The following HELZ2 variants were observed in gnomAD, a reference collection of about 807,000 sequenced individuals.
HELZ2 encodes the protein 3'-5' exoribonuclease HELZ2.
In HELZ2, 143 loss-of-function variants were observed where a neutral mutation model predicts 208.8. That is an observed-to-expected ratio of 0.68 (90% confidence interval 0.60 to 0.79). The LOEUF is 0.79. HELZ2 is among the 30% of genes least tolerant of loss of function. The pLI is 0.00. For missense variants in HELZ2, 3,690 were observed against 3,794.5 expected (o/e 0.97, Z 0.72); for synonymous variants, 1,705 against 1,693.7 (o/e 1.01, Z -0.16).
exon 11 of HELZ2, chr20:63,561,845 G>T (rs1439624296): frequency 1.9e-6 from 3 of 1,564,726 alleles, no homozygotes. Context: ...CCACCGACTT[G>T]TTGGAGGGGC....
At chr20:63,572,547 G>A (rs1359242004), upstream of HELZ2, 3 of 729,036 alleles carry the variant, frequency 4.1e-6, no homozygotes, top group African/African-American at 5.4e-5. Context: ...ACGTGGGCCA[G>A]GAGGGAGGGG....
At chr20:63,563,827 C>T (rs546147375) in exon 8 of HELZ2, 4 of 1,598,794 alleles carry the variant, frequency 2.5e-6, no homozygotes, top group East Asian at 4.5e-5. Flanking sequence ...TGTACCAGTC[C>T]ACCTGCAGCG....
intron 5 of HELZ2, chr20:63,567,948 A>T: frequency 1.8e-6 from 1 of 552,518 alleles, no homozygotes; most frequent in Non-Finnish European, 3.2e-6. Context: ...CCCACTCCCC[A>T]CTGGGCAGGG....
At chr20:63,561,566 C>G in intron 12 of HELZ2, 35 bp downstream of exon 13, 1 of 1,583,658 alleles carries the variant, frequency 6.3e-7, no homozygotes, top group Non-Finnish European at 8.6e-7. Context: ...CAGCTCGGCC[C>G]CACTCCGCCC....
exon 18 of HELZ2, chr20:63,559,996 C>G: frequency 6.2e-7 from 1 of 1,612,402 alleles, no homozygotes; most frequent in Non-Finnish European, 8.5e-7. Flanking sequence ...CACAACGAAG[C>G]CCAGAAACTT....
At position 63,561,283 on chromosome 20, in the gene HELZ2, G is replaced by C. The variant is rs1416408864; in HGVS notation, c.6954-9C>G. 1 of 1,612,422 alleles carries C rather than the reference G, an allele frequency of 6.2e-7. No homozygotes were observed. Among genetic ancestry groups the C allele is most frequent in the East Asian group, 2.2e-5 (1 of 44,868 alleles). ...ACAAGACCTTCTTGTACCTGCCGGG[G>C]ACACTGCTTGTCACCCCAGGGCCCC... On this transcript the variant is annotated splice_polypyrimidine_tract_variant and intron_variant, in intron 13 of 18. Transcript: ENST00000467148.
chr20:63,565,419 C>A, exon 8 of HELZ2: 2 of 1,611,022 alleles, frequency 1.2e-6, no homozygotes, highest in Non-Finnish European at 8.5e-7. Context: ...GTCTCTGGCA[C>A]GAAAGAGCAG....
At chr20:63,563,768 C>T (rs1005156314) in exon 8 of HELZ2, 15 of 1,603,276 alleles carry the variant, frequency 9.4e-6, no homozygotes, top group African/African-American at 8.0e-5. Flanking sequence ...CAGGATCTGC[C>T]GCTGCAACAC....
rs1222324177 is a variant in HELZ2, at chr20:63,564,372, C to T, written c.4450G>A (p.Ala1484Thr). 1.3e-5 allele frequency: 20 copies of T among 1,559,006 alleles called. No homozygotes were observed. The highest frequency in any genetic ancestry group is 1.4e-5 in the African/African-American group (1 of 73,686). Residue 1484 changes from alanine (A) to threonine (T), a missense_variant, in exon 8 of 19, where the codon GCC becomes ACC. Ala to Thr is a moderately conservative substitution (Grantham distance 58). This residue lies in a region of HELZ2 where 2,564 missense variants were observed against 2,580.5 expected (regional missense o/e 0.99). Coordinates refer to ENST00000467148, the Ensembl canonical transcript of HELZ2. ...AAGTAGCACGCGGCCACGACGCAGG[C>T]GTCCACGGAGTCCAGGCGGGCCGGC...
exon 4 of HELZ2, chr20:63,569,482 A>T (rs777549365): frequency 6.2e-7 from 1 of 1,611,914 alleles, no homozygotes. Context: ...AAGACCACCC[A>T]TTGCTCAAAG....
exon 8 of HELZ2, chr20:63,564,892 C>T (rs781767607): frequency 1.1e-5 from 18 of 1,612,176 alleles, no homozygotes; most frequent in African/African-American, 6.7e-5. Context: ...CCTGGTCCGA[C>T]GGGGGCACCC....
chr20:63,562,265 C>A, intron 9 of HELZ2, 23 bp downstream of exon 10: 1 of 1,590,728 alleles, frequency 6.3e-7, no homozygotes, highest in Non-Finnish European at 8.6e-7. Flanking sequence ...AGAGGGGAAG[C>A]TGGAGGGGTG....
exon 8 of HELZ2, chr20:63,565,163 T>C (rs1167149128): frequency 9.4e-6 from 15 of 1,599,530 alleles, no homozygotes; most frequent in Non-Finnish European, 1.3e-5. Flanking sequence ...CACGGAGCCA[T>C]TGATGGGGAC....
chr20:63,565,678 GCCC>G, exon 8 of HELZ2: 2 of 1,608,690 alleles, frequency 1.2e-6, no homozygotes, highest in African/African-American at 1.3e-5. Flanking sequence ...TGGACTCCAC[GCCC>G]GCTGCAGCAG....
chr20:63,559,331 C>T lies in HELZ2; in HGVS notation c.7865G>A (p.Ser2622Asn), dbSNP rs1394285265. Residue 2622 changes from serine (S) to asparagine (N), a missense_variant, in exon 19 of 19, where the codon AGC (serine) becomes AAC (asparagine). Coordinates refer to ENST00000467148, the Ensembl canonical transcript of HELZ2. ...CTGAGCCTCGCAGAAGTCCAGGAGG[C>T]TACGCCAGAGGGGGCAGCAGCGCAG... The T allele has an allele frequency of 1.2e-6, 2 of 1,601,924 alleles. No homozygotes were observed. The highest frequency in any genetic ancestry group is 8.5e-7 in the Non-Finnish European group (1 of 1,174,390).
At chr20:63,561,925 C>T in exon 11 of HELZ2, 9 of 1,598,670 alleles carry the variant, frequency 5.6e-6, no homozygotes, top group Non-Finnish European at 7.7e-6. Context: ...TGCACCTGCT[C>T]CTGGTTTGAT....
exon 8 of HELZ2, chr20:63,565,843 C>G (rs144553407): frequency 1.3e-6 from 2 of 1,598,764 alleles, no homozygotes; most frequent in Admixed American, 1.7e-5. Flanking sequence ...TCACCATGGC[C>G]GTCACCACAG....
rs776959123 is a variant in HELZ2, at chr20:63,572,291, A to AG, written c.94dup (p.Leu32ProfsTer64). The AG allele has an allele frequency of 3.1e-5, 49 of 1,586,412 alleles. No homozygotes were observed. Among genetic ancestry groups the AG allele is most frequent in the Non-Finnish European group, 4.2e-5 (49 of 1,168,166 alleles). ...CAGCTGGGCCCCAGGGGGCTGGCCA[A>AG]GGGGGGCCGTGCGCCCGTCGCCATC... On this transcript the variant is annotated frameshift_variant, in exon 1 of 19. Transcript: ENST00000467148. LOFTEE classifies it high-confidence loss of function.
chr20:63,559,089 T>C (rs2082846875), downstream of HELZ2: 3 of 793,770 alleles, frequency 3.8e-6, no homozygotes, highest in Non-Finnish European at 5.8e-6. Flanking sequence ...GCCCTTGCCG[T>C]TCCTCCTCCA....
Sources: gnomAD v4.1 joint callset for allele counts on GRCh38, gnomAD v4.1.1 for gene constraint, gnomAD v4.1.1 regional missense constraint, MANE v1.5 for transcripts, NCBI Gene and HGNC (gene_info 2026-07-23, HGNC 2026-07-21) for gene names.